Variants in AKAP19 observed in about 807,000 individuals in gnomAD.
AKAP19 encodes A-kinase anchoring protein 19.
At chr2:190,125,156 T>G in the AKAP19 span, among the ~76,000 whole-genome samples, 1 of 152,158 alleles carries the variant, frequency 6.6e-6, no homozygotes, top group Non-Finnish European at 1.5e-5. Context: ...TGATAAAAAG[T>G]CAGTGCAGTA....
the AKAP19 span, among the ~76,000 whole-genome samples, chr2:189,938,322 C>T: frequency 6.7e-3 from 964 of 144,234 alleles, 6 homozygotes; most frequent in Middle Eastern, 0.011. Flanking sequence ...GGTGACAGAA[C>T]GAGACTCCAT....
the AKAP19 span, among the ~76,000 whole-genome samples, chr2:190,129,723 T>C: frequency 6.6e-6 from 1 of 152,036 alleles, no homozygotes; most frequent in Non-Finnish European, 1.5e-5. Context: ...ATGTGAGTCT[T>C]GTGTAAGTCA....
the AKAP19 span, among the ~76,000 whole-genome samples, chr2:190,102,311 A>G: frequency 1.2e-4 from 18 of 151,462 alleles, no homozygotes; most frequent in Non-Finnish European, 2.1e-4. Flanking sequence ...CCCCAAGGCT[A>G]GCAGAAGAAG....
the AKAP19 span, among the ~76,000 whole-genome samples, chr2:189,941,186 G>T: frequency 3.9e-5 from 6 of 152,088 alleles, no homozygotes; most frequent in African/African-American, 1.2e-4. Context: ...ACAAATAAAA[G>T]CTGAGTAAAT....
At chr2:189,971,770 A>G in the AKAP19 span, among the ~76,000 whole-genome samples, 1 of 152,080 alleles carries the variant, frequency 6.6e-6, no homozygotes. Flanking sequence ...TTGGCTGCAT[A>G]AATGTCTTCT....
At chr2:190,036,791 G>C in the AKAP19 span, among the ~76,000 whole-genome samples, 1 of 152,110 alleles carries the variant, frequency 6.6e-6, no homozygotes, top group African/African-American at 2.4e-5. Context: ...TCTCTACTTA[G>C]TGTATCCCTT....
chr2:190,144,122 GTAAC>G, the AKAP19 span, among the ~76,000 whole-genome samples: 1 of 149,894 alleles, frequency 6.7e-6, no homozygotes, highest in South Asian at 2.1e-4. Context: ...GTATACATAT[GTAAC>G]TAACCTGCAC....
the AKAP19 span, among the ~76,000 whole-genome samples, chr2:190,069,175 T>TGTGTGTGTGTGTGTGTGTGTGTGAGA: frequency 4.9e-5 from 6 of 123,538 alleles, no homozygotes; most frequent in African/African-American, 1.9e-4. Context: ...TGTGTGTGTG[T>TGTGTGTGTGTGTGTGTGTGTGTGAGA]GAGAGAGAGA....
chr2:190,069,417 C>G, the AKAP19 span, among the ~76,000 whole-genome samples: 2 of 151,848 alleles, frequency 1.3e-5, no homozygotes, highest in Non-Finnish European at 2.9e-5. Flanking sequence ...TTCTAGTAAC[C>G]AACCACTCCC....
the AKAP19 span, among the ~76,000 whole-genome samples, chr2:190,175,938 A>C: frequency 6.6e-6 from 1 of 152,156 alleles, no homozygotes; most frequent in Non-Finnish European, 1.5e-5. Context: ...ACCCCTTTAA[A>C]CGAGGCTTCT....
chr2:190,136,623 A>G, the AKAP19 span, among the ~76,000 whole-genome samples: 1 of 152,106 alleles, frequency 6.6e-6, no homozygotes, highest in South Asian at 2.1e-4. Context: ...GCCTTCAGCT[A>G]TTCTCCCCCA....
the AKAP19 span, among the ~76,000 whole-genome samples, chr2:190,087,752 A>G: frequency 6.6e-6 from 1 of 152,220 alleles, no homozygotes; most frequent in Non-Finnish European, 1.5e-5. Flanking sequence ...GCTCAGGGGC[A>G]TCCTCAGAGC....
At chr2:190,161,510 C>T in the AKAP19 span, among the ~76,000 whole-genome samples, 6 of 152,290 alleles carry the variant, frequency 3.9e-5, no homozygotes, top group African/African-American at 1.4e-4. Flanking sequence ...CCATTATTTA[C>T]TATTGTCATG....
At chr2:190,187,300 C>T in the AKAP19 span, among the ~76,000 whole-genome samples, 1 of 151,842 alleles carries the variant, frequency 6.6e-6, no homozygotes, top group African/African-American at 2.4e-5. Flanking sequence ...AAGAATATGA[C>T]ATAAAATGGG....
At chr2:190,201,195 T>C in the AKAP19 span, 1 of 167,062 alleles carries the variant, frequency 6.0e-6, no homozygotes, top group Non-Finnish European at 1.5e-5. Context: ...CCACCTATTA[T>C]ACTGTTTCCA....
the AKAP19 span, among the ~76,000 whole-genome samples, chr2:190,141,179 A>G: frequency 6.6e-6 from 1 of 152,162 alleles, no homozygotes; most frequent in African/African-American, 2.4e-5. Context: ...ACATTCCCAC[A>G]TCTTCCTGTC....
the AKAP19 span, among the ~76,000 whole-genome samples, chr2:190,038,676 A>C: frequency 1.3e-5 from 2 of 152,146 alleles, no homozygotes; most frequent in Non-Finnish European, 2.9e-5. Flanking sequence ...CCAGGAAAAA[A>C]AATTGATATT....
At chr2:190,007,860 G>T in the AKAP19 span, among the ~76,000 whole-genome samples, 1 of 152,146 alleles carries the variant, frequency 6.6e-6, no homozygotes, top group Non-Finnish European at 1.5e-5. Flanking sequence ...TACTTGGGAG[G>T]CTGAGGCACA....
At chr2:190,040,371 T>A in the AKAP19 span, among the ~76,000 whole-genome samples, 1 of 152,248 alleles carries the variant, frequency 6.6e-6, no homozygotes. Flanking sequence ...TGGGGTTGTT[T>A]TTCTGTTGTA....
Sources: gnomAD v4.1 joint callset for allele counts (sites outside exome capture counted in the v4.1 genomes callset) on GRCh38, gnomAD v4.1.1 for gene constraint, MANE v1.5 for transcripts, NCBI Gene and HGNC (gene_info 2026-07-23, HGNC 2026-07-21) for gene names.